The following URI1 variants were observed in gnomAD, a reference collection of about 807,000 sequenced individuals.
The protein encoded by URI1 is unconventional prefoldin RPB5 interactor 1.
A neutral mutation model predicts 60.2 loss-of-function variants in URI1; 39 were observed. The ratio of observed to expected loss-of-function variants is 0.65; its 90% CI spans 0.50 to 0.85. The LOEUF (loss-of-function observed/expected upper bound fraction) is 0.85, where lower values mean the gene tolerates loss of function less well. Among genes scored for constraint, URI1 ranks in the 40% least tolerant of loss-of-function variants. The pLI is 0.00. For missense variants in URI1, 691 were observed against 665.9 expected (o/e 1.04, Z -0.42); for synonymous variants, 251 against 236.8 (o/e 1.06, Z -0.55).
At chr19:29,986,924 C>T (rs1299152821) in intron 4 of URI1, among the ~76,000 whole-genome samples, 1 of 152,096 alleles carries the variant, frequency 6.6e-6, no homozygotes, top group Admixed American at 6.5e-5. Context: ...AAGGTGCTAC[C>T]TAAAACAGCA....
chr19:29,946,424 C>T (rs952121476), intron 1 of URI1, among the ~76,000 whole-genome samples: 2 of 152,144 alleles, frequency 1.3e-5, no homozygotes, highest in African/African-American at 4.8e-5. Context: ...ATTAGCAGAA[C>T]TACTGAGATT....
At chr19:29,936,587 C>T (rs915830222) in intron 1 of URI1, among the ~76,000 whole-genome samples, 3 of 152,110 alleles carry the variant, frequency 2.0e-5, no homozygotes, top group Admixed American at 6.5e-5. Flanking sequence ...GCTTCTTGGA[C>T]GTGTATGTTC....
At chr19:29,955,989 T>A (rs1244889282) in intron 1 of URI1, among the ~76,000 whole-genome samples, 1 of 151,916 alleles carries the variant, frequency 6.6e-6, no homozygotes. Flanking sequence ...GTCTTTTTTT[T>A]TTTTTATTTT....
At chr19:29,978,266 TAAAAA>T (rs201682598) in intron 2 of URI1, among the ~76,000 whole-genome samples, 2 of 151,982 alleles carry the variant, frequency 1.3e-5, no homozygotes, top group East Asian at 1.9e-4. Flanking sequence ...AAACTATTAT[TAAAAA>T]AAATCCCTAA....
intron 1 of URI1, chr19:29,925,989 G>C (rs892577205): frequency 4.6e-5 from 7 of 152,380 alleles, no homozygotes; most frequent in East Asian, 1.9e-4. Flanking sequence ...TACCAGGACT[G>C]GGGGGAGGAA....
At chr19:29,985,742 A>G (rs767368365) in intron 3 of URI1, among the ~76,000 whole-genome samples, 1 of 152,180 alleles carries the variant, frequency 6.6e-6, no homozygotes, top group South Asian at 2.1e-4. Flanking sequence ...TGATCTGTTC[A>G]TGAGCCCTGG....
rs150358398 is a variant in URI1 at position 29,969,300 on chromosome 19, T to C, written c.118-1893T>C. 2.1e-3 allele frequency among the ~76,000 whole-genome samples: 313 copies of C among 152,298 alleles called. 1 individual carries two copies. The highest frequency in any genetic ancestry group is 7.1e-3 in the African/African-American group (296 of 41,562). On this transcript the variant is annotated intron_variant, in intron 1 of 10. Coordinates refer to ENST00000392271, the MANE Select transcript of URI1 (RefSeq NM_003796.3). ...GGAAGTAAAAGGAACAGGGCAAGAA[T>C]GGCCGGAACGAAGTGGAGGGTAGAC...
chr19:29,955,403 T>G (rs1412771165), intron 1 of URI1, among the ~76,000 whole-genome samples: 1 of 152,216 alleles, frequency 6.6e-6, no homozygotes, highest in African/African-American at 2.4e-5. Flanking sequence ...TTTATGCATA[T>G]GTTGTTTCTC....
intron 1 of URI1, among the ~76,000 whole-genome samples, chr19:29,934,399 G>A (rs1021067483): frequency 6.6e-6 from 1 of 152,200 alleles, no homozygotes; most frequent in African/African-American, 2.4e-5. Flanking sequence ...TCACAATTCT[G>A]GAGGCTGGAA....
chr19:29,987,575 C>T (rs577384901), intron 4 of URI1, among the ~76,000 whole-genome samples: 2 of 152,192 alleles, frequency 1.3e-5, no homozygotes, highest in East Asian at 1.9e-4. Context: ...TTACTGAAGA[C>T]GAAGCCTCTC....
Position 30,003,752 on chromosome 19 carries a change from T to C in URI1, c.368-1609T>C, listed in dbSNP as rs186311435. Among the ~76,000 whole-genome samples, 481 of 152,150 alleles carry C rather than the reference T, an allele frequency of 3.2e-3. 1 individual carries two copies. The highest frequency in any genetic ancestry group is 0.011 in the African/African-American group (468 of 41,530). The stretch of plus-strand genomic sequence containing the variant: ...ATACCTTTAGCTTAGTTGCACAGTA[T>C]TTATATGTGGATAGACTTTTAAAAA... On this transcript the variant is annotated intron_variant, in intron 4 of 10. Transcript: ENST00000392271.
chr19:29,931,863 G>C (rs2054920254), intron 1 of URI1, among the ~76,000 whole-genome samples: 1 of 149,238 alleles, frequency 6.7e-6, no homozygotes, highest in Admixed American at 6.7e-5. Context: ...ATTCTTGTGT[G>C]TTGATTTTGT....
At chr19:29,933,917 C>T (rs1310451267) in intron 1 of URI1, among the ~76,000 whole-genome samples, 5 of 144,334 alleles carry the variant, frequency 3.5e-5, no homozygotes, top group African/African-American at 1.0e-4. Context: ...TTTGTTATTC[C>T]TTCTTTCTTT....
At chr19:29,940,211 G>C (rs541672487), upstream of URI1, among the ~76,000 whole-genome samples, 1 of 152,180 alleles carries the variant, frequency 6.6e-6, no homozygotes, top group East Asian at 1.9e-4. Flanking sequence ...CAGCTCTGCT[G>C]ACCACAGATC....
intron 1 of URI1, among the ~76,000 whole-genome samples, chr19:29,935,562 T>C (rs537685695): frequency 4.3e-4 from 65 of 152,324 alleles, no homozygotes; most frequent in African/African-American, 1.5e-3. Context: ...TTCAGCCTGA[T>C]GGATTCATTT....
chr19:30,008,004 G>A (rs162942), intron 7 of URI1, among the ~76,000 whole-genome samples: 1,572 of 152,076 alleles, frequency 0.01, 37 homozygotes, highest in African/African-American at 0.036. Flanking sequence ...GCCACACCCA[G>A]GATAGTGCTC....
rs1259904925 is a variant in URI1 at position 30,009,044 on chromosome 19, A to G, written c.726A>G (p.Thr242=). Residue 242 remains threonine (T), a synonymous_variant, in exon 8 of 11, where the codon ACA becomes ACG. Transcript: ENST00000392271. ...TGATTGCAAATGGAGAAGATACGAC[A>G]TCTTCTGAAGAGGAAAAGGAAGATC... is the stretch of plus-strand genomic sequence containing the variant. ...DTVIANGEDT[T]SSEEEKEDRN... The G allele has an allele frequency of 6.2e-7, 1 of 1,613,416 alleles. No individual in the cohort carries two copies. The highest frequency in any genetic ancestry group is 1.1e-5 in the South Asian group (1 of 90,992).
Position 29,942,328 on chromosome 19 carries a change from G to C in URI1, c.-220G>C, listed in dbSNP as rs1421212461. Reference sequence around the variant, plus strand: ...CCTGGCAGGCGGCCTGCTACTCGGAGCCCGCTGCGGGGCGGCGGCGGCGGG... The same window carrying C: ...CCTGGCAGGCGGCCTGCTACTCGGACCCCGCTGCGGGGCGGCGGCGGCGGG... On this transcript the variant is annotated 5_prime_UTR_variant, in exon 1 of 11. Coordinates refer to ENST00000392271, the MANE Select transcript of URI1 (RefSeq NM_003796.3). The C allele has an allele frequency of 7.1e-6, 7 of 985,092 alleles. No homozygotes were observed. The highest frequency in any genetic ancestry group is 5.3e-5 in the African/African-American group (3 of 57,100). The allele number at this position is 985,092 out of a possible 1,614,324, so 61.0% of individuals were successfully genotyped here.
intron 1 of URI1, chr19:29,970,944 G>T: frequency 2.0e-6 from 1 of 500,688 alleles, no homozygotes; most frequent in Non-Finnish European, 3.6e-6. Context: ...TATGAAGCGG[G>T]TTTTGTACCA....
Sources: allele counts gnomAD v4.1 joint callset (sites outside exome capture counted in the v4.1 genomes callset), GRCh38; gene constraint gnomAD v4.1.1; transcripts MANE v1.5; gene names NCBI Gene and HGNC (gene_info 2026-07-23, HGNC 2026-07-21).